The following IREB2 variants were observed in gnomAD, a reference collection of about 807,000 sequenced individuals.
IREB2 encodes iron-responsive element-binding protein 2.
A neutral mutation model predicts 118.8 loss-of-function variants in IREB2; 39 were observed. The ratio of observed to expected loss-of-function variants is 0.33; its 90% CI spans 0.25 to 0.43. The LOEUF (loss-of-function observed/expected upper bound fraction) is 0.43, where lower values mean the gene tolerates loss of function less well. Ranked by LOEUF, IREB2 falls within the 20% of genes least tolerant of loss-of-function variation. IREB2 has a pLI of 1.00. For missense variants in IREB2, 900 were observed against 1,147.3 expected, an observed-to-expected ratio of 0.78 and a Z score of 3.11; for synonymous variants, 372 against 392.2, an observed-to-expected ratio of 0.95 and a Z score of 0.61.
chr15:78,465,452 G>A, intron 4 of IREB2, 64 bp downstream of exon 4: 1 of 1,400,058 alleles, frequency 7.1e-7, no homozygotes, highest in South Asian at 1.3e-5. Flanking sequence ...GTGTCATGTA[G>A]AGGAAAAGGA....
intron 13 of IREB2, among the ~76,000 whole-genome samples, chr15:78,486,814 T>A (rs1037623591): frequency 6.6e-6 from 1 of 152,002 alleles, no homozygotes; most frequent in East Asian, 1.9e-4. Context: ...GGACCGCAGG[T>A]GTGCACCACC....
At chr15:78,438,626 C>T (rs1293938282) in intron 1 of IREB2, 1 of 485,622 alleles carries the variant, frequency 2.1e-6, no homozygotes, top group South Asian at 2.9e-5. Context: ...TCTCCGGTGG[C>T]CGCTGCCTGC....
chr15:78,460,506 C>T (rs2051178693), intron 2 of IREB2, among the ~76,000 whole-genome samples: 1 of 151,980 alleles, frequency 6.6e-6, no homozygotes, highest in Non-Finnish European at 1.5e-5. Flanking sequence ...TCAGATTGAC[C>T]CGTTAGTGTC....
chr15:78,493,978 T>C lies in IREB2; in HGVS notation c.2394T>C (p.Thr798=), dbSNP rs2051797248. 1 of 1,614,060 alleles carries C rather than the reference T, an allele frequency of 6.2e-7. No individual in the cohort carries two copies. The stretch of plus-strand genomic sequence containing the variant: ...ATGATGCTGTAATGACAAGAGGCAC[T>C]TTTGCAAATATCAAGCTTTTTAATA... The part of the protein sequence containing the change: ...RGNDAVMTRG[T]FANIKLFNKF... The change falls in exon 19 of 22, where the codon ACT becomes ACC. Residue 798 remains threonine, a synonymous_variant. Coordinates refer to ENST00000258886, the MANE Select transcript of IREB2 (RefSeq NM_004136.4).
intron 2 of IREB2, among the ~76,000 whole-genome samples, chr15:78,451,584 A>T (rs2051025043): frequency 6.6e-6 from 1 of 152,242 alleles, no homozygotes; most frequent in African/African-American, 2.4e-5. Context: ...ACAGTAAACA[A>T]TACGAGTACT....
chr15:78,461,258 A>G (rs2051192236), intron 2 of IREB2, among the ~76,000 whole-genome samples: 1 of 152,216 alleles, frequency 6.6e-6, no homozygotes. Flanking sequence ...GTTGCAAAAT[A>G]AAGATTGAAC....
At chr15:78,451,298 G>A (rs925103479) in intron 2 of IREB2, among the ~76,000 whole-genome samples, 7 of 151,378 alleles carry the variant, frequency 4.6e-5, no homozygotes, top group African/African-American at 1.7e-4. Flanking sequence ...TTTGCCAAAT[G>A]TACACATTTG....
chr15:78,465,137 A>T (rs1184683282), intron 3 of IREB2, 114 bp from the exon 4 acceptor site: 1 of 777,666 alleles, frequency 1.3e-6, no homozygotes, highest in Non-Finnish European at 2.0e-6. Context: ...ATGAAAAATG[A>T]ATGTAAACTA....
intron 6 of IREB2, chr15:78,470,969 C>A (rs1308584872): frequency 1.3e-5 from 2 of 153,664 alleles, no homozygotes; most frequent in African/African-American, 2.4e-5. Context: ...AGTGCTGGGA[C>A]TACAGGCATG....
chr15:78,456,795 T>C (rs1166676666), intron 2 of IREB2, among the ~76,000 whole-genome samples: 1 of 152,228 alleles, frequency 6.6e-6, no homozygotes, highest in Non-Finnish European at 1.5e-5. Context: ...ACAGTAGCCT[T>C]TTGCCCTGTC....
chr15:78,450,390 C>T (rs2051002936), intron 2 of IREB2, among the ~76,000 whole-genome samples: 1 of 152,192 alleles, frequency 6.6e-6, no homozygotes, highest in Non-Finnish European at 1.5e-5. Context: ...GAAGGACAAA[C>T]TTGGAAGAGG....
rs374146758 is a variant in IREB2 at position 78,467,080 on chromosome 15, C to T, written c.629+591C>T. Among the ~76,000 whole-genome samples, 139 of 151,810 alleles carry T rather than the reference C, an allele frequency of 9.2e-4. 1 individual carries two copies. Among genetic ancestry groups the T allele is most frequent in the African/African-American group, 3.2e-3 (131 of 41,366 alleles). On this transcript the variant is annotated intron_variant, in intron 5 of 21. Transcript: ENST00000258886. ...AAAAAATTACCCGGGTGTGGTGTCGCGCCCCTGTGGTCCCAGCTAGTCAGG... is the reference window on the plus strand; with the variant it reads ...AAAAAATTACCCGGGTGTGGTGTCGTGCCCCTGTGGTCCCAGCTAGTCAGG...
chr15:78,458,802 A>G (rs1256821085), intron 2 of IREB2, among the ~76,000 whole-genome samples: 1 of 152,190 alleles, frequency 6.6e-6, no homozygotes, highest in Non-Finnish European at 1.5e-5. Context: ...AAGTCAATAA[A>G]TATATTCGTT....
chr15:78,457,118 A>G (rs2051118844), intron 2 of IREB2, among the ~76,000 whole-genome samples: 4 of 152,024 alleles, frequency 2.6e-5, no homozygotes, highest in Admixed American at 2.6e-4. Context: ...GGATTAATGG[A>G]TTGCCTTTTT....
Position 78,476,310 on chromosome 15 carries a change from C to T in IREB2, c.1146C>T (p.Leu382=). 3 of 1,602,638 alleles carry T rather than the reference C, an allele frequency of 1.9e-6. No individual in the cohort carries two copies. Among genetic ancestry groups the T allele is most frequent in the Non-Finnish European group, 2.6e-6 (3 of 1,171,256 alleles). ...TGTGTCCGGAATATGGTGCTATCCT[C>T]AGCTTTTTCCCTGTTGACAATGTGA... The part of the protein sequence containing the change: ...ANMCPEYGAI[L]SFFPVDNVTL... The change falls in exon 9 of 22, where the codon CTC becomes CTT. Residue 382 remains leucine (L), a synonymous_variant. Coordinates refer to ENST00000258886, the MANE Select transcript of IREB2 (RefSeq NM_004136.4).
Position 78,443,144 on chromosome 15 carries a change from A to G in IREB2, c.106+3263A>G, listed in dbSNP as rs193161139. ...ACATAGCTATGATAAAACTTAATTTATAAATGAGGCACAGTAGAGATTAAT... is the reference window on the plus strand; with the variant it reads ...ACATAGCTATGATAAAACTTAATTTGTAAATGAGGCACAGTAGAGATTAAT... On this transcript the variant is annotated intron_variant, in intron 2 of 21. Coordinates refer to ENST00000258886, the MANE Select transcript of IREB2 (RefSeq NM_004136.4). 2.0e-4 allele frequency among the ~76,000 whole-genome samples: 30 copies of G among 152,366 alleles called. 1 individual carries two copies. The highest frequency in any genetic ancestry group is 1.6e-3 in the Admixed American group (25 of 15,306).
chr15:78,475,664 T>C (rs533967189), intron 8 of IREB2: 6 of 151,714 alleles, frequency 4.0e-5, no homozygotes, highest in African/African-American at 1.5e-4. Context: ...TGGTCAACAT[T>C]GTAAGACCCT....
rs1179934314 is a variant in IREB2 at position 78,478,306 on chromosome 15, A to G, written c.1205A>G (p.Lys402Arg). 1 of 1,609,796 alleles carries G rather than the reference A, an allele frequency of 6.2e-7. No homozygotes were observed. The change falls in exon 10 of 22, where the codon AAA becomes AGA. Residue 402 changes from lysine (K) to arginine (R), a missense_variant. Physicochemically the swap from Lys to Arg is conservative, Grantham distance 26. Transcript: ENST00000258886. ...LKHLEHTGFS[K>R]AKLESMETYL... is the part of the protein sequence containing the mutation. The stretch of plus-strand genomic sequence containing the variant: ...TTCATCTTCGTTTTAGGTTTTAGCA[A>G]AGCCAAACTCGAATCAATGGAAACA...
At chr15:78,483,029 G>A (rs1596009008) in intron 10 of IREB2, among the ~76,000 whole-genome samples, 1 of 152,210 alleles carries the variant, frequency 6.6e-6, no homozygotes, top group Admixed American at 6.5e-5. Flanking sequence ...GTGAGCCACC[G>A]CGCCCGGCCC....
Sources: gnomAD v4.1 joint callset for allele counts (sites outside exome capture counted in the v4.1 genomes callset) on GRCh38, gnomAD v4.1.1 for gene constraint, MANE v1.5 for transcripts, NCBI Gene and HGNC (gene_info 2026-07-23, HGNC 2026-07-21) for gene names.